The following ALG14 variants were observed in gnomAD, a reference collection of about 807,000 sequenced individuals.
ALG14 encodes UDP-N-acetylglucosamine transferase subunit ALG14.
A neutral mutation model predicts 22.8 loss-of-function variants in ALG14; 17 were observed. That is an observed-to-expected ratio of 0.75 (90% CI 0.51 to 1.12). The LOEUF (loss-of-function observed/expected upper bound fraction) is 1.12, where lower values mean the gene tolerates loss of function less well. ALG14 is among the 50% of genes most tolerant of loss of function. The pLI, the probability that ALG14 is intolerant of heterozygous loss-of-function variation, is 0.00. For synonymous variants in ALG14, 89 were observed against 103.7 expected, an observed-to-expected ratio of 0.86 and a Z score of 0.86; for missense variants, 288 against 271.8, an observed-to-expected ratio of 1.06 and a Z score of -0.42.
intron 1 of ALG14, among the ~76,000 whole-genome samples, chr1:95,068,068 T>C (rs1675434670): frequency 1.3e-5 from 2 of 152,228 alleles, no homozygotes; most frequent in African/African-American, 4.8e-5. Context: ...TTTATTTGTT[T>C]TGCTTTTTAT....
chr1:95,066,374 C>T (rs1365943563), intron 1 of ALG14, among the ~76,000 whole-genome samples: 2 of 152,236 alleles, frequency 1.3e-5, no homozygotes, highest in East Asian at 1.9e-4. Flanking sequence ...CATGCGTGTG[C>T]CACCACGCCC....
At position 94,982,979 on chromosome 1, in the gene ALG14, A is replaced by C; in HGVS notation, c.*97T>G. On this transcript the variant is annotated 3_prime_UTR_variant, in exon 4 of 4. Coordinates refer to ENST00000370205, the MANE Select transcript of ALG14 (RefSeq NM_144988.4). Reference sequence around the variant, plus strand: ...ACCATCAATAATTCTCAGGACTGTCAGACGCCTTTACAAGAAACATGTAGG... The same window carrying C: ...ACCATCAATAATTCTCAGGACTGTCCGACGCCTTTACAAGAAACATGTAGG... 1 of 966,966 alleles carries C rather than the reference A, an allele frequency of 1.0e-6. No homozygotes were observed. The highest frequency in any genetic ancestry group is 1.6e-6 in the Non-Finnish European group (1 of 626,488). The allele number at this position is 966,966 out of a possible 1,614,324, so 59.9% of individuals were successfully genotyped here. A position where few individuals can be genotyped will look rare whatever the true frequency, so the allele number is the denominator to read the frequency against.
intron 2 of ALG14, among the ~76,000 whole-genome samples, chr1:95,044,976 T>A (rs987340540): frequency 2.0e-5 from 3 of 152,232 alleles, no homozygotes; most frequent in Non-Finnish European, 4.4e-5. Context: ...AACATGCTTC[T>A]GTATTTATTT....
At chr1:94,984,250 G>T (rs1416412524) in intron 3 of ALG14, among the ~76,000 whole-genome samples, 1 of 152,108 alleles carries the variant, frequency 6.6e-6, no homozygotes, top group East Asian at 1.9e-4. Flanking sequence ...TATCTATTGG[G>T]CATGCTCTAT....
chr1:95,066,982 C>T (rs1675393183), intron 1 of ALG14: 1 of 152,152 alleles, frequency 6.6e-6, no homozygotes, highest in Non-Finnish European at 1.5e-5. Context: ...CTTCATTATA[C>T]CTGCTTTAAT....
intron 2 of ALG14, among the ~76,000 whole-genome samples, chr1:95,036,220 G>A (rs994886951): frequency 2.0e-5 from 3 of 152,040 alleles, no homozygotes; most frequent in Non-Finnish European, 4.4e-5. Context: ...AGGACCAAGT[G>A]GAGATAATTG....
chr1:94,989,126 T>C (rs1201816865), intron 3 of ALG14, among the ~76,000 whole-genome samples: 2 of 152,160 alleles, frequency 1.3e-5, no homozygotes, highest in South Asian at 2.1e-4. Flanking sequence ...GAAATGGTTA[T>C]TGTTGGAAAT....
intron 2 of ALG14, among the ~76,000 whole-genome samples, chr1:95,051,978 T>A (rs191382684): frequency 2.6e-5 from 4 of 152,346 alleles, no homozygotes; most frequent in Non-Finnish European, 5.9e-5. Flanking sequence ...GCCACTAGAA[T>A]GTAGCCTCCA....
At chr1:95,034,309 T>C (rs1674114871) in intron 2 of ALG14, among the ~76,000 whole-genome samples, 1 of 152,238 alleles carries the variant, frequency 6.6e-6, no homozygotes, top group African/African-American at 2.4e-5. Context: ...TGTGTATATG[T>C]GATTGTATGT....
chr1:95,056,240 G>A (rs1674929859), intron 2 of ALG14, among the ~76,000 whole-genome samples: 1 of 152,162 alleles, frequency 6.6e-6, no homozygotes, highest in African/African-American at 2.4e-5. Context: ...GAAATGGACT[G>A]CTGAATAAAT....
intron 2 of ALG14, among the ~76,000 whole-genome samples, chr1:95,030,070 A>G (rs1673950564): frequency 6.6e-6 from 1 of 152,224 alleles, no homozygotes; most frequent in Non-Finnish European, 1.5e-5. Flanking sequence ...GCCAAGCAGT[A>G]CTGTAGAGTC....
intron 1 of ALG14, among the ~76,000 whole-genome samples, chr1:95,068,616 A>G (rs903755390): frequency 3.3e-5 from 5 of 152,188 alleles, no homozygotes; most frequent in African/African-American, 1.2e-4. Flanking sequence ...TGATATCTAA[A>G]GAGTAAATGT....
At chr1:95,018,263 C>A (rs896679445) in intron 3 of ALG14, among the ~76,000 whole-genome samples, 2 of 152,000 alleles carry the variant, frequency 1.3e-5, no homozygotes, top group Non-Finnish European at 2.9e-5. Flanking sequence ...TGGCCAGGCG[C>A]GGTGGTTCAG....
chr1:95,066,548 G>T (rs1268668889), intron 1 of ALG14, among the ~76,000 whole-genome samples: 1 of 152,036 alleles, frequency 6.6e-6, no homozygotes, highest in Non-Finnish European at 1.5e-5. Flanking sequence ...TAGTAGAAAG[G>T]AAAGGATTTC....
At chr1:95,049,333 G>C (rs1210075749) in intron 2 of ALG14, among the ~76,000 whole-genome samples, 1 of 152,058 alleles carries the variant, frequency 6.6e-6, no homozygotes, top group Admixed American at 6.6e-5. Context: ...AGGAGTTCGC[G>C]ACCAGTCTGG....
rs969228336 is a variant in ALG14, at chr1:95,031,341, T to C, written c.289-4081A>G. ...CTGCATCAAAGTCAGGGATGAAAGT[T>C]GAAGTGGTGGCTGGAAAGAAAGCCA... On this transcript the variant is annotated intron_variant, in intron 2 of 3. Coordinates refer to ENST00000370205, the MANE Select transcript of ALG14 (RefSeq NM_144988.4). Among the ~76,000 whole-genome samples, 3 of 152,284 alleles carry C rather than the reference T, an allele frequency of 2.0e-5. No homozygotes were observed. The East Asian group carries it at 5.8e-4, about 29-fold the overall frequency.
chr1:95,058,995 T>C (rs4578260), intron 2 of ALG14, among the ~76,000 whole-genome samples: 149,957 of 152,084 alleles, frequency 0.99, 73,966 homozygotes, highest in Middle Eastern at 1. Context: ...ATAAGGTTTT[T>C]GGCTATATTT....
chr1:95,014,236 G>A (rs540870149), intron 3 of ALG14, among the ~76,000 whole-genome samples: 24 of 152,258 alleles, frequency 1.6e-4, no homozygotes, highest in South Asian at 1.5e-3. Context: ...ATTTGTTCTG[G>A]GCGCTTTGAA....
At position 95,065,530 on chromosome 1, in the gene ALG14, C is replaced by T. The variant is rs192436253; in HGVS notation, c.137-513G>A. 3.3e-5 allele frequency among the ~76,000 whole-genome samples: 5 copies of T among 152,164 alleles called. No individual in the cohort carries two copies. In the East Asian group the frequency reaches 9.7e-4, roughly 29 times the overall value. ...TGGGGATTGTTAGGGCATGAGATGA[C>T]AAGATCTGAAACATGTGTTCAAAGA... On this transcript the variant is annotated intron_variant, in intron 1 of 3. Transcript: ENST00000370205.
Sources: gnomAD v4.1 joint callset for allele counts (sites outside exome capture counted in the v4.1 genomes callset) on GRCh38, gnomAD v4.1.1 for gene constraint, MANE v1.5 for transcripts, NCBI Gene and HGNC (gene_info 2026-07-23, HGNC 2026-07-21) for gene names.